PPP1R16B: variants seen among roughly 807,000 people sequenced by gnomAD.
PPP1R16B encodes protein phosphatase 1 regulatory subunit 16B, also known as protein phosphatase 1 regulatory inhibitor subunit 16B.
In PPP1R16B, 14 loss-of-function variants were observed where a neutral mutation model predicts 61.7. The ratio of observed to expected loss-of-function variants is 0.23; its 90% CI spans 0.15 to 0.35. PPP1R16B has a LOEUF of 0.35. Among genes scored for constraint, PPP1R16B ranks in the 10% least tolerant of loss-of-function variants. The pLI is 1.00. For synonymous variants in PPP1R16B, 266 were observed against 305.3 expected, an observed-to-expected ratio of 0.87 and a Z score of 1.34; for missense variants, 547 against 752.5, an observed-to-expected ratio of 0.73 and a Z score of 3.19.
chr20:38,916,636 A>T (rs1468177007), intron 10 of PPP1R16B, among the ~76,000 whole-genome samples: 1 of 151,840 alleles, frequency 6.6e-6, no homozygotes, highest in Non-Finnish European at 1.5e-5. Flanking sequence ...AAAGTATACA[A>T]TCTTTTCTAA....
At chr20:38,917,295 CAAAA>C (rs59603946) in intron 10 of PPP1R16B, among the ~76,000 whole-genome samples, 6 of 92,764 alleles carry the variant, frequency 6.5e-5, no homozygotes, top group Non-Finnish European at 6.9e-5. Context: ...GACTCCGTCT[CAAAA>C]AAAAAAAAAA....
At position 38,889,896 on chromosome 20, in the gene PPP1R16B, G is replaced by C. The variant is rs1175155896; in HGVS notation, c.321+231G>C. Among the ~76,000 whole-genome samples the C allele has an allele frequency of 2.0e-4, 31 of 152,234 alleles. 1 individual carries two copies. Among genetic ancestry groups the C allele is most frequent in the Admixed American group, 2.0e-3 (31 of 15,284 alleles). ...CCCGCAGACGCGACTGCACATGCAG[G>C]CTCTAAGGACAGGGAGCCTTTGTTC... On this transcript the variant is annotated intron_variant, in intron 3 of 10. Coordinates refer to ENST00000299824, the MANE Select transcript of PPP1R16B (RefSeq NM_015568.4).
intron 3 of PPP1R16B, among the ~76,000 whole-genome samples, chr20:38,895,191 C>T (rs1288063541): frequency 6.6e-6 from 1 of 151,952 alleles, no homozygotes; most frequent in African/African-American, 2.4e-5. Context: ...AGTGAGAGTT[C>T]TCCATATAAT....
At position 38,900,630 on chromosome 20, in the gene PPP1R16B, C is replaced by T; in HGVS notation, c.517C>T (p.Leu173Phe). ...VNSDGNMPYD[L>F]CEDEPTLDVI... ...CTCGGATGGGAACATGCCATATGAC[C>T]TCTGCGAGGATGAACCCACCCTGGA... Residue 173 changes from leucine to phenylalanine, a missense_variant, in exon 5 of 11, where the codon CTC becomes TTC. Transcript: ENST00000299824. 1 of 1,596,118 alleles carries T rather than the reference C, an allele frequency of 6.3e-7. No homozygotes were observed. Among genetic ancestry groups the T allele is most frequent in the Non-Finnish European group, 8.5e-7 (1 of 1,172,718 alleles).
intron 2 of PPP1R16B, among the ~76,000 whole-genome samples, chr20:38,878,487 G>C (rs2085184083): frequency 6.6e-6 from 1 of 152,188 alleles, no homozygotes; most frequent in Non-Finnish European, 1.5e-5. Context: ...GGCTATATTT[G>C]AGTGAGGGTC....
At chr20:38,866,128 GA>G (rs200013890) in intron 2 of PPP1R16B, among the ~76,000 whole-genome samples, 250 of 148,798 alleles carry the variant, frequency 1.7e-3, no homozygotes, top group African/African-American at 5.6e-3. Context: ...TTGTCTCGGA[GA>G]AAAAAAAAAT....
rs1255604696 is a variant in PPP1R16B, at chr20:38,922,265, G to A, written c.*3599G>A. The A allele has an allele frequency of 6.5e-6, 1 of 152,754 alleles. No individual in the cohort carries two copies. The highest frequency in any genetic ancestry group is 2.4e-5 in the African/African-American group (1 of 41,454). The allele number at this position is 152,754 out of a possible 1,614,324, so 9.5% of individuals were successfully genotyped here. On this transcript the variant is annotated 3_prime_UTR_variant, in exon 11 of 11. Coordinates refer to ENST00000299824, the MANE Select transcript of PPP1R16B (RefSeq NM_015568.4). ...CCCTGTCCTGCCCCACCGGTTTGCT[G>A]GCTTTGTAATAACATAAGACCATTG...
In PPP1R16B at chr20:38,920,261, C is replaced by T. The variant is rs569072784; in HGVS notation, c.*1595C>T. Reference sequence around the variant, plus strand: ...CTCAGCCAGAACCTCTTGGTGTACCCGATAAGCTGCAGGTTATCCCTTGCT... The same window carrying T: ...CTCAGCCAGAACCTCTTGGTGTACCTGATAAGCTGCAGGTTATCCCTTGCT... On this transcript the variant is annotated 3_prime_UTR_variant, in exon 11 of 11. Coordinates refer to ENST00000299824, the MANE Select transcript of PPP1R16B (RefSeq NM_015568.4). The T allele has an allele frequency of 6.5e-6, 1 of 152,882 alleles. No individual in the cohort carries two copies. The highest frequency in any genetic ancestry group is 2.1e-4 in the South Asian group (1 of 4,832). The allele number at this position is 152,882 out of a possible 1,614,324, so 9.5% of individuals were successfully genotyped here. A position where few individuals can be genotyped will look rare whatever the true frequency, so the allele number is the denominator to read the frequency against.
intron 2 of PPP1R16B, among the ~76,000 whole-genome samples, chr20:38,862,071 C>G (rs1345086645): frequency 1.3e-5 from 2 of 152,212 alleles, no homozygotes; most frequent in African/African-American, 4.8e-5. Flanking sequence ...AGGCCCAAGT[C>G]CAGCCCACAA....
In PPP1R16B at chr20:38,922,635, AG is replaced by A. The variant is rs1183603094; in HGVS notation, c.*3970del. The A allele has an allele frequency of 3.9e-5, 6 of 152,666 alleles. No homozygotes were observed. The highest frequency in any genetic ancestry group is 8.8e-5 in the Non-Finnish European group (6 of 68,040). The allele number at this position is 152,666 out of a possible 1,614,324, so 9.5% of individuals were successfully genotyped here. Reference sequence around the variant, plus strand: ...GGCCTGGCTCTGCACACCCAGGAAAAGTCTGCAGACCCCCAGCCCTCCGCAA... The same window carrying A: ...GGCCTGGCTCTGCACACCCAGGAAAATCTGCAGACCCCCAGCCCTCCGCAA... On this transcript the variant is annotated 3_prime_UTR_variant, in exon 11 of 11. Transcript: ENST00000299824.
At chr20:38,855,982 A>AGAGAGAGAAGGAGGAGGAGGAGG (rs1449393855) in intron 2 of PPP1R16B, among the ~76,000 whole-genome samples, 1 of 41,566 alleles carries the variant, frequency 2.4e-5, no homozygotes, top group African/African-American at 1.5e-4. Flanking sequence ...AGAGAGAGAG[A>AGAGAGAGAAGGAGGAGGAGGAGG]AGGAGGAGGA....
chr20:38,865,683 G>C (rs75666262), intron 2 of PPP1R16B, among the ~76,000 whole-genome samples: 15 of 152,146 alleles, frequency 9.9e-5, no homozygotes, highest in Admixed American at 9.8e-4. Context: ...CAGAGGTGCC[G>C]AGGGGTTGTC....
chr20:38,840,873 G>T (rs1480581229), intron 2 of PPP1R16B, among the ~76,000 whole-genome samples: 2 of 152,220 alleles, frequency 1.3e-5, no homozygotes, highest in Non-Finnish European at 2.9e-5. Context: ...TCATAACGTT[G>T]TTGGGGGGTT....
intron 2 of PPP1R16B, among the ~76,000 whole-genome samples, chr20:38,841,152 T>C (rs918241321): frequency 1.7e-4 from 26 of 152,098 alleles, no homozygotes; most frequent in African/African-American, 6.0e-4. Flanking sequence ...TATTATAAAA[T>C]TTGCCCACTT....
chr20:38,832,194 C>T lies in PPP1R16B; in HGVS notation c.-101-3631C>T, dbSNP rs142599171. ...TAATCACTCTGTGCCTTAGTTTCCT[C>T]ATCTGGAAAATGGGCATGATAGTAC... On this transcript the variant is annotated intron_variant, in intron 1 of 10. Coordinates refer to ENST00000299824, the MANE Select transcript of PPP1R16B (RefSeq NM_015568.4). Among the ~76,000 whole-genome samples, 344 of 152,292 alleles carry T rather than the reference C, an allele frequency of 2.3e-3. 4 individuals carry two copies. The highest frequency in any genetic ancestry group is 7.9e-3 in the African/African-American group (328 of 41,558).
At chr20:38,816,531 G>A (rs2084736390) in intron 1 of PPP1R16B, among the ~76,000 whole-genome samples, 1 of 152,190 alleles carries the variant, frequency 6.6e-6, no homozygotes, top group Admixed American at 6.5e-5. Flanking sequence ...AAAAAGAATA[G>A]GTCCATGTAG....
At chr20:38,846,320 C>T (rs2084935458) in intron 2 of PPP1R16B, among the ~76,000 whole-genome samples, 1 of 152,024 alleles carries the variant, frequency 6.6e-6, no homozygotes. Flanking sequence ...ATCTAGGAAG[C>T]AAGGGTAGTT....
At chr20:38,915,785 C>T (rs1212644089) in intron 10 of PPP1R16B, among the ~76,000 whole-genome samples, 5 of 152,082 alleles carry the variant, frequency 3.3e-5, no homozygotes, top group Admixed American at 1.3e-4. Flanking sequence ...CCACCACGCT[C>T]GGCCTGTACA....
At position 38,900,695 on chromosome 20, in the gene PPP1R16B, G is replaced by A; in HGVS notation, c.571+11G>A. 4 of 1,562,990 alleles carry A rather than the reference G, an allele frequency of 2.6e-6. No individual in the cohort carries two copies. The highest frequency in any genetic ancestry group is 2.6e-6 in the Non-Finnish European group (3 of 1,158,336). ...GCATGGCATACCAGGGTAAGGGAGGGCAGCCTGCTATGAAGTGAGCACAGC... is the reference window on the plus strand; with the variant it reads ...GCATGGCATACCAGGGTAAGGGAGGACAGCCTGCTATGAAGTGAGCACAGC... On this transcript the variant is annotated intron_variant, in intron 5 of 10. Coordinates refer to ENST00000299824, the MANE Select transcript of PPP1R16B (RefSeq NM_015568.4).
Sources: allele counts gnomAD v4.1 joint callset (sites outside exome capture counted in the v4.1 genomes callset), GRCh38; gene constraint gnomAD v4.1.1; transcripts MANE v1.5; gene names NCBI Gene and HGNC (gene_info 2026-07-23, HGNC 2026-07-21).